SLC12A8: variants seen among roughly 807,000 people sequenced by gnomAD.
SLC12A8 encodes the protein cation-chloride cotransporter 9.
SLC12A8 carries 69 observed loss-of-function variants against 75.6 expected under a neutral mutation model. The observed-to-expected ratio is 0.91, with a 90% CI of 0.75 to 1.11. The LOEUF (loss-of-function observed/expected upper bound fraction) is 1.11, where lower values mean the gene tolerates loss of function less well. Ranked by LOEUF, SLC12A8 falls within the 50% of genes most tolerant of loss-of-function variation. The probability of loss-of-function intolerance (pLI) is 0.00; values close to 1 mark genes in which losing one functional copy is unlikely to be tolerated. For synonymous variants in SLC12A8, 365 were observed against 372.8 expected (o/e 0.98, Z 0.24); for missense variants, 877 against 896.7 (o/e 0.98, Z 0.28).
chr3:125,102,922 GC>G (rs915764074), intron 10 of SLC12A8, among the ~76,000 whole-genome samples: 2 of 152,118 alleles, frequency 1.3e-5, no homozygotes, highest in Non-Finnish European at 1.5e-5. Flanking sequence ...GTTCATTCTG[GC>G]AGACCAGCTT....
chr3:125,179,187 C>A (rs906683477), intron 4 of SLC12A8, among the ~76,000 whole-genome samples: 4 of 152,026 alleles, frequency 2.6e-5, no homozygotes, highest in Non-Finnish European at 5.9e-5. Context: ...TTCCATGAGG[C>A]CTCTCCTCAA....
intron 4 of SLC12A8, among the ~76,000 whole-genome samples, chr3:125,179,827 A>G (rs1934615512): frequency 6.6e-6 from 1 of 152,220 alleles, no homozygotes; most frequent in African/African-American, 2.4e-5. Flanking sequence ...TGTGATAGTG[A>G]CGTTATTTCA....
Position 125,127,208 on chromosome 3 carries a change from G to C in SLC12A8, c.737-6522C>G, listed in dbSNP as rs189819797. On this transcript the variant is annotated intron_variant, in intron 6 of 13. Coordinates refer to ENST00000469902, the MANE Select transcript of SLC12A8 (RefSeq NM_024628.6). Reference sequence around the variant, plus strand: ...CCATACCTGGCTTGTTGGTTGGTTTGTTCAGCTGTTCCTGCAGAAATCTCT... The same window carrying C: ...CCATACCTGGCTTGTTGGTTGGTTTCTTCAGCTGTTCCTGCAGAAATCTCT... Among the ~76,000 whole-genome samples, 65 of 152,272 alleles carry C rather than the reference G, an allele frequency of 4.3e-4. 1 individual carries two copies. Among genetic ancestry groups the C allele is most frequent in the Non-Finnish European group, 7.5e-4 (51 of 68,030 alleles).
At chr3:125,169,496 G>A (rs1312398327) in intron 5 of SLC12A8, among the ~76,000 whole-genome samples, 1 of 152,164 alleles carries the variant, frequency 6.6e-6, no homozygotes, top group Non-Finnish European at 1.5e-5. Context: ...AAGACATAGA[G>A]TGAGGGTGAC....
chr3:125,130,116 G>A (rs931991767), intron 6 of SLC12A8, among the ~76,000 whole-genome samples: 4 of 152,124 alleles, frequency 2.6e-5, no homozygotes, highest in African/African-American at 9.7e-5. Context: ...CAATCTATGC[G>A]CTATTATCAT....
At chr3:125,121,390 G>A (rs567254497) in intron 6 of SLC12A8, among the ~76,000 whole-genome samples, 3 of 152,196 alleles carry the variant, frequency 2.0e-5, no homozygotes, top group Non-Finnish European at 4.4e-5. Context: ...CATCGGATGA[G>A]GATCCAGCCC....
intron 5 of SLC12A8, among the ~76,000 whole-genome samples, chr3:125,175,976 G>A (rs1410132996): frequency 2.6e-5 from 4 of 152,140 alleles, no homozygotes; most frequent in African/African-American, 9.7e-5. Context: ...AGGGAGTTCA[G>A]GGGAGTGACA....
intron 3 of SLC12A8, among the ~76,000 whole-genome samples, chr3:125,190,141 CTA>C (rs1430134427): frequency 2.0e-5 from 3 of 152,250 alleles, no homozygotes; most frequent in African/African-American, 7.2e-5. Flanking sequence ...TTCTGTGCTC[CTA>C]TTCTGCAGTT....
chr3:125,211,304 G>A lies in SLC12A8; in HGVS notation c.46C>T (p.Gln16Ter). Reference sequence around the variant, plus strand: ...CTGGCACATCCTGAGCCTACCTGCTGGGCTGCCTCATGGAAGAGCTCCTGC... The same window carrying A: ...CTGGCACATCCTGAGCCTACCTGCTAGGCTGCCTCATGGAAGAGCTCCTGC... ...QVQELFHEAA[Q>*]QDALAQPQPW... The change falls in exon 2 of 14, where the codon CAG becomes TAG. Residue 16 changes from glutamine to a stop codon, truncating the protein, a stop_gained. Transcript: ENST00000469902. LOFTEE classifies it high-confidence loss of function. 2 of 1,613,476 alleles carry A rather than the reference G, an allele frequency of 1.2e-6. No homozygotes were observed. Among genetic ancestry groups the A allele is most frequent in the Non-Finnish European group, 1.7e-6 (2 of 1,179,780 alleles).
At chr3:125,210,091 C>T (rs961249499) in intron 2 of SLC12A8, among the ~76,000 whole-genome samples, 2 of 152,178 alleles carry the variant, frequency 1.3e-5, no homozygotes, top group Non-Finnish European at 2.9e-5. Context: ...GTCATTGTAT[C>T]CATCACATTT....
At chr3:125,132,351 C>G (rs544134442) in intron 6 of SLC12A8, among the ~76,000 whole-genome samples, 25 of 152,344 alleles carry the variant, frequency 1.6e-4, no homozygotes, top group African/African-American at 5.3e-4. Context: ...GTTCCAGGCT[C>G]ATTTCCATGG....
chr3:125,087,684 A>C (rs1938494607), intron 13 of SLC12A8, among the ~76,000 whole-genome samples: 1 of 152,234 alleles, frequency 6.6e-6, no homozygotes, highest in South Asian at 2.1e-4. Context: ...GGGCCTTAAA[A>C]GGTAAGAAGC....
chr3:125,090,417 C>G (rs898848029), intron 12 of SLC12A8, among the ~76,000 whole-genome samples: 1 of 152,138 alleles, frequency 6.6e-6, no homozygotes, highest in Non-Finnish European at 1.5e-5. Flanking sequence ...AGAATGTTCT[C>G]TAACTGTCAA....
chr3:125,209,665 G>A (rs1327600508), intron 2 of SLC12A8, among the ~76,000 whole-genome samples: 4 of 152,318 alleles, frequency 2.6e-5, no homozygotes, highest in South Asian at 4.1e-4. Context: ...AGCTTTAAGG[G>A]AGACAGAAAA....
intron 5 of SLC12A8, among the ~76,000 whole-genome samples, chr3:125,158,142 C>T (rs1188103340): frequency 6.6e-6 from 1 of 152,096 alleles, no homozygotes; most frequent in Non-Finnish European, 1.5e-5. Context: ...TTGTTTCAAT[C>T]TAAGGTTTCA....
At chr3:125,096,699 C>T in intron 10 of SLC12A8, among the ~76,000 whole-genome samples, 1 of 152,130 alleles carries the variant, frequency 6.6e-6, no homozygotes, top group East Asian at 1.9e-4. Context: ...TAAAAGTCTC[C>T]TTAATAATTA....
intron 4 of SLC12A8, among the ~76,000 whole-genome samples, chr3:125,187,003 C>G (rs1228916190): frequency 1.3e-5 from 2 of 152,262 alleles, no homozygotes; most frequent in African/African-American, 4.8e-5. Context: ...CTGCTGGTCA[C>G]ATCAGGCATC....
chr3:125,109,917 A>G (rs551513354), intron 9 of SLC12A8, among the ~76,000 whole-genome samples: 20 of 152,302 alleles, frequency 1.3e-4, no homozygotes, highest in African/African-American at 4.6e-4. Context: ...TCAGGGTCCA[A>G]GATGGTACTA....
rs546812073 is a variant in SLC12A8 at position 125,185,074 on chromosome 3, A to C, written c.390+2163T>G. Among the ~76,000 whole-genome samples the C allele has an allele frequency of 2.0e-5, 3 of 152,332 alleles. No homozygotes were observed. The East Asian group carries it at 5.8e-4, about 29-fold the overall frequency. ...AGTGGCTTACGCCTGTAATCCCAGC[A>C]CTTTGGGAGGCCGAGGCGGGCGGAT... On this transcript the variant is annotated intron_variant, in intron 4 of 13. Transcript: ENST00000469902.
Sources: gnomAD v4.1 joint callset for allele counts (sites outside exome capture counted in the v4.1 genomes callset) on GRCh38, gnomAD v4.1.1 for gene constraint, MANE v1.5 for transcripts, NCBI Gene and HGNC (gene_info 2026-07-23, HGNC 2026-07-21) for gene names.